BIRC6: variants seen among roughly 807,000 people sequenced by gnomAD.
BIRC6 encodes baculoviral IAP repeat containing 6.
BIRC6 carries 98 observed loss-of-function variants against 503.3 expected under a neutral mutation model. The observed-to-expected ratio is 0.19, with a 90% confidence interval of 0.17 to 0.23. BIRC6 has a LOEUF of 0.23. BIRC6 is among the 10% of genes least tolerant of loss of function. BIRC6 has a pLI of 1.00. For synonymous variants in BIRC6, 2,240 were observed against 2,078.7 expected (o/e 1.08, Z -2.11); for missense variants, 5,360 against 5,806.0 (o/e 0.92, Z 2.50).
intron 3 of BIRC6, among the ~76,000 whole-genome samples, chr2:32,380,653 G>T (rs1019323966): frequency 1.3e-5 from 2 of 152,088 alleles, no homozygotes; most frequent in African/African-American, 4.8e-5. Context: ...TTGAACCCAG[G>T]AGGCGGAGTT....
intron 66 of BIRC6, among the ~76,000 whole-genome samples, chr2:32,584,335 G>C (rs937085865): frequency 3.3e-5 from 5 of 152,252 alleles, no homozygotes; most frequent in African/African-American, 1.2e-4. Context: ...TTCAAGACCA[G>C]CCTGGCCAAC....
At chr2:32,368,102 A>G (rs961268876) in intron 1 of BIRC6, among the ~76,000 whole-genome samples, 1 of 152,188 alleles carries the variant, frequency 6.6e-6, no homozygotes, top group Non-Finnish European at 1.5e-5. Flanking sequence ...TAGAATCATC[A>G]GGGGAAATTT....
intron 55 of BIRC6, among the ~76,000 whole-genome samples, chr2:32,517,870 G>C (rs1247488348): frequency 1.3e-5 from 2 of 151,954 alleles, no homozygotes; most frequent in Non-Finnish European, 2.9e-5. Flanking sequence ...CATGACCTTG[G>C]CCTTGTTATA....
intron 65 of BIRC6, among the ~76,000 whole-genome samples, chr2:32,555,984 A>T (rs1241666645): frequency 6.6e-6 from 1 of 151,508 alleles, no homozygotes; most frequent in East Asian, 1.9e-4. Flanking sequence ...TTTTAATAGT[A>T]TTTTAATATG....
intron 61 of BIRC6, among the ~76,000 whole-genome samples, chr2:32,534,248 C>G (rs1252433870): frequency 6.7e-6 from 1 of 150,132 alleles, no homozygotes; most frequent in Non-Finnish European, 1.5e-5. Context: ...GTAGTGGGTG[C>G]CTGTTATCCC....
At chr2:32,562,066 TTC>T (rs2059231527) in intron 65 of BIRC6, among the ~76,000 whole-genome samples, 1 of 152,032 alleles carries the variant, frequency 6.6e-6, no homozygotes, top group African/African-American at 2.4e-5. Context: ...TTATTATTAT[TTC>T]TAGATTTTAA....
In BIRC6 at chr2:32,542,236, A is replaced by AT. The variant is rs1314635357; in HGVS notation, c.12292-1001dup. Among the ~76,000 whole-genome samples, 5 of 152,138 alleles carry AT rather than the reference A, an allele frequency of 3.3e-5. No homozygotes were observed. In the South Asian group the frequency reaches 1.0e-3, roughly 32 times the overall value. On this transcript the variant is annotated intron_variant, in intron 61 of 73. Coordinates refer to ENST00000421745, the MANE Select transcript of BIRC6 (RefSeq NM_016252.4). ...ATGCATATATATCTCCCATATTGTC[A>AT]TTTTAAAAATTTTCTACTAAAGGAA...
chr2:32,525,514 C>T lies in BIRC6; in HGVS notation c.11806C>T (p.Pro3936Ser), dbSNP rs1340441211. The change falls in exon 59 of 74, where the codon CCA (proline) becomes TCA (serine). Residue 3936 changes from proline (P) to serine (S), a missense_variant. By Grantham distance (74) the Pro-to-Ser change is moderately conservative (BLOSUM62 -1). Around this residue, in one of 16 missense-constraint regions of BIRC6, gnomAD observed 878 missense variants for 928.9 expected, o/e 0.95. Transcript: ENST00000421745. ...RAVSATPPRP[P>S]SRRGRTIPDK... is the part of the protein sequence containing the mutation. ...TGTGTCAGCTACACCACCTCGCCCA[C>T]CATCCAGGAGGGGGAGGACAATACC... The T allele has an allele frequency of 1.2e-6, 2 of 1,613,986 alleles. No individual in the cohort carries two copies. The highest frequency in any genetic ancestry group is 1.3e-5 in the African/African-American group (1 of 75,048).
chr2:32,383,312 G>A (rs1391777926), intron 3 of BIRC6, among the ~76,000 whole-genome samples: 1 of 152,144 alleles, frequency 6.6e-6, no homozygotes, highest in Non-Finnish European at 1.5e-5. Context: ...CAAAGTGGTG[G>A]GATTCCAGGC....
intron 54 of BIRC6, 76 bp from the exon 55 acceptor site, chr2:32,514,914 C>T (rs544279711): frequency 8.4e-7 from 1 of 1,193,794 alleles, no homozygotes; most frequent in African/African-American, 1.6e-5. Context: ...ATACTTTGAA[C>T]TATAACAGAA....
At chr2:32,454,935 T>G (rs2047076924) in intron 23 of BIRC6, among the ~76,000 whole-genome samples, 1 of 152,220 alleles carries the variant, frequency 6.6e-6, no homozygotes, top group Non-Finnish European at 1.5e-5. Context: ...AAGGTCAGAA[T>G]TAATTTGTAT....
intron 5 of BIRC6, among the ~76,000 whole-genome samples, chr2:32,393,157 G>A (rs1361101500): frequency 6.6e-6 from 1 of 151,782 alleles, no homozygotes; most frequent in Non-Finnish European, 1.5e-5. Flanking sequence ...TACAGAAGCA[G>A]CATTACAGGT....
intron 1 of BIRC6, among the ~76,000 whole-genome samples, chr2:32,375,767 G>C (rs2036674831): frequency 7.0e-6 from 1 of 142,322 alleles, no homozygotes; most frequent in African/African-American, 2.7e-5. Flanking sequence ...TTGCAATTCA[G>C]CTTTTTATTG....
chr2:32,584,643 A>T (rs1183315187), intron 66 of BIRC6, among the ~76,000 whole-genome samples: 1 of 152,216 alleles, frequency 6.6e-6, no homozygotes, highest in Non-Finnish European at 1.5e-5. Context: ...TATTTTTAAT[A>T]ATAGTTTGAA....
intron 21 of BIRC6, 105 bp from the exon 22 acceptor site, chr2:32,448,690 G>A: frequency 1.1e-6 from 1 of 902,540 alleles, no homozygotes; most frequent in Non-Finnish European, 1.7e-6. Context: ...GGGAGAGGGA[G>A]AGCCCTCTGC....
intron 52 of BIRC6, 134 bp from the exon 53 acceptor site, chr2:32,510,392 T>A (rs1308548081): frequency 3.1e-6 from 2 of 644,562 alleles, no homozygotes; most frequent in Admixed American, 5.7e-5. Context: ...TTTCATTATT[T>A]TTAGAGTTTG....
rs2063344265 is a variant in BIRC6, at chr2:32,617,910, A to C, written c.*6A>C. 3.1e-6 allele frequency: 5 copies of C among 1,607,934 alleles called. No homozygotes were observed. The highest frequency in any genetic ancestry group is 3.4e-6 in the Non-Finnish European group (4 of 1,175,408). ...CCAGTGACTTCCAGTTATGAGCTGC[A>C]TTGATGTGGACTTCATAGACACAAA... On this transcript the variant is annotated 3_prime_UTR_variant, in exon 74 of 74. Transcript: ENST00000421745.
intron 61 of BIRC6, among the ~76,000 whole-genome samples, chr2:32,536,297 G>A (rs1249589466): frequency 6.6e-6 from 1 of 152,098 alleles, no homozygotes; most frequent in Non-Finnish European, 1.5e-5. Context: ...CTGTGCAGAA[G>A]CTCTTTAGCT....
intron 45 of BIRC6, among the ~76,000 whole-genome samples, chr2:32,494,122 A>T (rs900549774): frequency 6.6e-5 from 10 of 152,242 alleles, no homozygotes; most frequent in African/African-American, 2.4e-4. Flanking sequence ...AATTTTGACC[A>T]TAATGGGTTG....
Sources: allele counts gnomAD v4.1 joint callset (sites outside exome capture counted in the v4.1 genomes callset), GRCh38; gene constraint gnomAD v4.1.1; regional missense constraint gnomAD v4.1.1; transcripts MANE v1.5; gene names NCBI Gene and HGNC (gene_info 2026-07-23, HGNC 2026-07-21).